The following ADTRP variants were observed in gnomAD, a reference collection of about 807,000 sequenced individuals.
The protein encoded by ADTRP is androgen-dependent TFPI-regulating protein.
In ADTRP, 20 loss-of-function variants were observed where a neutral mutation model predicts 27.0. The ratio of observed to expected loss-of-function variants is 0.74; its 90% CI spans 0.52 to 1.08. The LOEUF (loss-of-function observed/expected upper bound fraction) is 1.08. ADTRP is among the 50% of genes least tolerant of loss of function. The pLI, the probability that ADTRP is intolerant of heterozygous loss-of-function variation, is 0.00. For synonymous variants in ADTRP, 101 were observed against 105.2 expected (o/e 0.96, Z 0.25); for missense variants, 251 against 275.0 (o/e 0.91, Z 0.62).
At chr6:11,746,335 G>A (rs1762864451) in intron 3 of ADTRP, among the ~76,000 whole-genome samples, 1 of 152,174 alleles carries the variant, frequency 6.6e-6, no homozygotes, top group Admixed American at 6.6e-5. Flanking sequence ...AAGCATATAG[G>A]AGAAAGCGCT....
intron 3 of ADTRP, among the ~76,000 whole-genome samples, chr6:11,752,912 A>G (rs983432877): frequency 6.6e-6 from 1 of 152,196 alleles, no homozygotes; most frequent in East Asian, 1.9e-4. Context: ...AACGATTTGC[A>G]TGGGTCGTTA....
chr6:11,717,510 G>T (rs867809216), intron 5 of ADTRP: 5 of 1,173,856 alleles, frequency 4.3e-6, no homozygotes, highest in Middle Eastern at 2.4e-4. Context: ...TAGAAATCAG[G>T]ATAAATAAAA....
intron 5 of ADTRP, among the ~76,000 whole-genome samples, chr6:11,722,962 T>A (rs1053705227): frequency 3.3e-5 from 5 of 152,210 alleles, no homozygotes; most frequent in Non-Finnish European, 5.9e-5. Context: ...GAAACCTTGA[T>A]ATTTTCAAAG....
intron 1 of ADTRP, among the ~76,000 whole-genome samples, chr6:11,772,474 C>G (rs1326695702): frequency 6.6e-6 from 1 of 152,236 alleles, no homozygotes; most frequent in Non-Finnish European, 1.5e-5. Context: ...AGAGCCCTCT[C>G]TCTTTAAACT....
intron 1 of ADTRP, chr6:11,770,239 C>T (rs1763725626): frequency 2.8e-6 from 2 of 711,246 alleles, no homozygotes; most frequent in Non-Finnish European, 4.8e-6. Context: ...CCCAGAGATT[C>T]TAATGTAATC....
chr6:11,772,397 C>T (rs1055986635), intron 1 of ADTRP, among the ~76,000 whole-genome samples: 1 of 152,216 alleles, frequency 6.6e-6, no homozygotes, highest in African/African-American at 2.4e-5. Flanking sequence ...CACAAACCCA[C>T]AAAAATCTTC....
At chr6:11,777,246 TTG>T (rs3830754) in intron 1 of ADTRP, among the ~76,000 whole-genome samples, 113,418 of 150,660 alleles carry the variant, frequency 0.75, 43,807 homozygotes, top group Non-Finnish European at 0.85. Context: ...TCAGGATCAG[TTG>T]TGTGTGTGTG....
intron 5 of ADTRP, 118 bp from the exon 6 acceptor site, chr6:11,714,630 C>T: frequency 8.7e-7 from 1 of 1,144,872 alleles, no homozygotes; most frequent in South Asian, 1.5e-5. Context: ...ACACTTTTCC[C>T]AAGGTGACAA....
rs968246474 is a variant in ADTRP at position 11,768,195 on chromosome 6, C to T, written c.288+54G>A. The T allele has an allele frequency of 1.9e-5, 31 of 1,593,602 alleles. No homozygotes were observed. The African/African-American group carries it at 3.2e-4, about 17-fold the overall frequency. On this transcript the variant is annotated intron_variant, in intron 2 of 5. Transcript: ENST00000414691. Reference sequence around the variant, plus strand: ...AAACAGCTTGGCTGCCCAGGAGAAGCGTCTGTCCATATGCACATTTCTGTT... The same window carrying T: ...AAACAGCTTGGCTGCCCAGGAGAAGTGTCTGTCCATATGCACATTTCTGTT...
chr6:11,723,627 G>T, intron 4 of ADTRP, 127 bp from the exon 5 acceptor site: 2 of 1,058,526 alleles, frequency 1.9e-6, no homozygotes, highest in Non-Finnish European at 2.8e-6. Flanking sequence ...TTTGTCAACA[G>T]CTGTAGTATT....
chr6:11,754,396 AC>A, intron 3 of ADTRP, among the ~76,000 whole-genome samples: 1 of 152,296 alleles, frequency 6.6e-6, no homozygotes, highest in Non-Finnish European at 1.5e-5. Flanking sequence ...CAAAACAAGG[AC>A]CTTCTCTATA....
chr6:11,735,473 A>C, intron 4 of ADTRP, 95 bp downstream of exon 4: 1 of 830,652 alleles, frequency 1.2e-6, no homozygotes, highest in Non-Finnish European at 1.9e-6. Flanking sequence ...TTAAACCAAG[A>C]TAAAGGGATT....
intron 1 of ADTRP, among the ~76,000 whole-genome samples, chr6:11,775,614 C>G (rs1329426005): frequency 1.3e-5 from 2 of 152,124 alleles, no homozygotes; most frequent in Admixed American, 6.5e-5. Context: ...CCTTCACTCT[C>G]CTTAGTCAGA....
intron 3 of ADTRP, chr6:11,736,319 T>C (rs1762551399): frequency 6.5e-6 from 1 of 153,168 alleles, no homozygotes; most frequent in Non-Finnish European, 1.5e-5. Context: ...GCATATATAG[T>C]CATGCACATC....
chr6:11,748,456 G>C (rs1201228491), intron 3 of ADTRP, among the ~76,000 whole-genome samples: 1 of 152,196 alleles, frequency 6.6e-6, no homozygotes, highest in African/African-American at 2.4e-5. Flanking sequence ...TAATCATTAA[G>C]TGCCTACCAC....
intron 3 of ADTRP, among the ~76,000 whole-genome samples, chr6:11,749,740 T>G (rs190069242): frequency 6.6e-6 from 1 of 152,010 alleles, no homozygotes; most frequent in African/African-American, 2.4e-5. Flanking sequence ...ATGGAGATAA[T>G]TGGTGACTAG....
intron 1 of ADTRP, 112 bp from the exon 2 acceptor site, chr6:11,768,495 C>T: frequency 3.6e-6 from 5 of 1,400,252 alleles, no homozygotes; most frequent in South Asian, 1.3e-5. Context: ...AGGGAGAGGG[C>T]TGTTGGGTTG....
chr6:11,775,451 G>T (rs1324681573), intron 1 of ADTRP, among the ~76,000 whole-genome samples: 2 of 152,056 alleles, frequency 1.3e-5, no homozygotes, highest in South Asian at 2.1e-4. Flanking sequence ...GGTCTCGGGG[G>T]CAGTAAGCAG....
At chr6:11,774,999 C>G (rs1487873151) in intron 1 of ADTRP, among the ~76,000 whole-genome samples, 1 of 152,148 alleles carries the variant, frequency 6.6e-6, no homozygotes, top group Non-Finnish European at 1.5e-5. Context: ...TGGCTGTCTG[C>G]TGGAGCCTGC....
Sources: allele counts gnomAD v4.1 joint callset (sites outside exome capture counted in the v4.1 genomes callset), GRCh38; gene constraint gnomAD v4.1.1; transcripts MANE v1.5; gene names NCBI Gene and HGNC (gene_info 2026-07-23, HGNC 2026-07-21).